The following SVEP1 variants were observed in gnomAD, a reference collection of about 807,000 sequenced individuals.
SVEP1 encodes the protein sushi, von Willebrand factor type A, EGF and pentraxin domain-containing protein 1.
Under a neutral mutation model 367.3 loss-of-function variants are expected in SVEP1, and 164 were observed. The ratio of observed to expected loss-of-function variants is 0.45; its 90% CI spans 0.39 to 0.51. SVEP1 has a LOEUF of 0.51. SVEP1 is among the 20% of genes least tolerant of loss of function. The probability of loss-of-function intolerance (pLI) is 0.00; values close to 1 mark genes in which losing one functional copy is unlikely to be tolerated. For missense variants in SVEP1, 4,117 were observed against 4,425.3 expected, an observed-to-expected ratio of 0.93 and a Z score of 1.98; for synonymous variants, 1,666 against 1,611.6, an observed-to-expected ratio of 1.03 and a Z score of -0.81.
In SVEP1 at chr9:110,466,041, G is replaced by T. The variant is rs1828932054; in HGVS notation, c.3161-15C>A. On this transcript the variant is annotated splice_polypyrimidine_tract_variant and intron_variant, in intron 17 of 47. Transcript: ENST00000374469. ...TTTACACTGAGCTGAAAAGAAAAAGGTAATATTACTATCAATAATGATATT... is the reference window on the plus strand; with the variant it reads ...TTTACACTGAGCTGAAAAGAAAAAGTTAATATTACTATCAATAATGATATT... 6.2e-7 allele frequency: 1 copy of T among 1,606,612 alleles called. No homozygotes were observed. Among genetic ancestry groups the T allele is most frequent in the Admixed American group, 1.7e-5 (1 of 59,572 alleles).
rs1021270658 is a variant in SVEP1, at chr9:110,365,817, G to A, written c.*722C>T. On this transcript the variant is annotated 3_prime_UTR_variant, in exon 48 of 48. Transcript: ENST00000374469. ...TTCTTGCATTTCTTATTCCAGCCAC[G>A]AGAAAGAAGGCTAGCACTTTCATTG... is the stretch of plus-strand genomic sequence containing the variant. 7 of 152,134 alleles carry A rather than the reference G, an allele frequency of 4.6e-5. No homozygotes were observed. Among genetic ancestry groups the A allele is most frequent in the African/African-American group, 9.7e-5 (4 of 41,392 alleles). 9.4% of individuals were successfully genotyped at this position (152,134 alleles called of 1,614,324 possible).
At position 110,459,091 on chromosome 9, in the gene SVEP1, G is replaced by T; in HGVS notation, c.3345C>A (p.Phe1115Leu). Residue 1115 changes from phenylalanine to leucine, a missense_variant, in exon 19 of 48, where the codon TTC (phenylalanine) becomes TTA (leucine). Physicochemically the swap from Phe to Leu is conservative, Grantham distance 22. Transcript: ENST00000374469. ...GACAGGGCATTAACCCAGAACGCGA[G>T]AATTTTCCTTCTGGACAAGGAACTG... is the stretch of plus-strand genomic sequence containing the variant. ...ACGVPCPEGK[F>L]SRSGLMPCHP... 3 of 1,613,602 alleles carry T rather than the reference G, an allele frequency of 1.9e-6. No individual in the cohort carries two copies. Among genetic ancestry groups the T allele is most frequent in the South Asian group, 1.1e-5 (1 of 91,050 alleles).
Position 110,369,908 on chromosome 9 carries a change from T to G in SVEP1, c.10694+15A>C, listed in dbSNP as rs189258208. Reference sequence around the variant, plus strand: ...CTTCATGTTATAGGCGAACATTAGTTTTTGGTTATCTTACCTGGAACAGTT... The same window carrying G: ...CTTCATGTTATAGGCGAACATTAGTGTTTGGTTATCTTACCTGGAACAGTT... On this transcript the variant is annotated intron_variant, in intron 47 of 47. Transcript: ENST00000374469. The G allele has an allele frequency of 1.1e-4, 171 of 1,607,302 alleles. No individual in the cohort carries two copies. In the East Asian group the frequency reaches 3.4e-3, roughly 32 times the overall value.
chr9:110,564,403 C>G (rs182286709), intron 1 of SVEP1, among the ~76,000 whole-genome samples: 2 of 152,284 alleles, frequency 1.3e-5, no homozygotes, highest in Admixed American at 1.3e-4. Context: ...CATGGAAAAT[C>G]TAACCATTAC....
intron 1 of SVEP1, among the ~76,000 whole-genome samples, chr9:110,556,304 T>C (rs1830357032): frequency 6.6e-6 from 1 of 151,882 alleles, no homozygotes. Flanking sequence ...TTTTGAAAAA[T>C]GGTCTTGAAA....
chr9:110,375,490 A>AAAAAAAAAT, intron 45 of SVEP1, 27 bp from the exon 46 acceptor site: 5 of 1,338,836 alleles, frequency 3.7e-6, no homozygotes, highest in South Asian at 1.3e-5. Context: ...AAAAAAAAAA[A>AAAAAAAAAT]GGAGGCAGGG....
chr9:110,433,427 T>C (rs1354173600), intron 30 of SVEP1, among the ~76,000 whole-genome samples: 1 of 137,936 alleles, frequency 7.2e-6, no homozygotes, highest in Non-Finnish European at 1.5e-5. Flanking sequence ...TTATCTAAAA[T>C]AGCAGTCTAG....
At chr9:110,546,334 G>T in intron 2 of SVEP1, 43 bp from the exon 3 acceptor site, 2 of 1,539,462 alleles carry the variant, frequency 1.3e-6, no homozygotes, top group African/African-American at 2.7e-5. Flanking sequence ...ATGAGTCACA[G>T]TTCAATGTTA....
intron 5 of SVEP1, among the ~76,000 whole-genome samples, chr9:110,512,087 A>G (rs1284628702): frequency 6.6e-6 from 1 of 152,190 alleles, no homozygotes; most frequent in Non-Finnish European, 1.5e-5. Context: ...GGACCCACAT[A>G]TACTAAAATA....
chr9:110,558,048 G>A (rs1830376325), intron 1 of SVEP1, among the ~76,000 whole-genome samples: 1 of 151,994 alleles, frequency 6.6e-6, no homozygotes, highest in Non-Finnish European at 1.5e-5. Context: ...GTGGCTAGTG[G>A]CTATAATATG....
intron 40 of SVEP1, among the ~76,000 whole-genome samples, chr9:110,400,466 A>G (rs1426679057): frequency 1.3e-5 from 2 of 151,884 alleles, no homozygotes; most frequent in Admixed American, 1.3e-4. Context: ...TCACGGGTTC[A>G]AGCGATTCTC....
At chr9:110,576,028 G>A (rs1412383157) in intron 1 of SVEP1, among the ~76,000 whole-genome samples, 2 of 152,124 alleles carry the variant, frequency 1.3e-5, no homozygotes, top group African/African-American at 2.4e-5. Context: ...TGACACTGGG[G>A]CTGCATGTGG....
intron 6 of SVEP1, among the ~76,000 whole-genome samples, chr9:110,502,103 ATTTTTTT>A (rs35353042): frequency 7.4e-6 from 1 of 135,818 alleles, no homozygotes; most frequent in Non-Finnish European, 1.6e-5. Flanking sequence ...AGTTCTTAGA[ATTTTTTT>A]TTTTTTTTTT....
At chr9:110,511,792 T>A (rs764510018) in intron 5 of SVEP1, among the ~76,000 whole-genome samples, 8 of 152,110 alleles carry the variant, frequency 5.3e-5, no homozygotes, top group Non-Finnish European at 1.2e-4. Flanking sequence ...TCACAAATGA[T>A]CTTGGAGTCA....
At chr9:110,566,693 G>T (rs566388109) in intron 1 of SVEP1, among the ~76,000 whole-genome samples, 3 of 152,274 alleles carry the variant, frequency 2.0e-5, no homozygotes, top group African/African-American at 7.2e-5. Flanking sequence ...TAATGCTTTT[G>T]GCAGAAGAGC....
intron 36 of SVEP1, among the ~76,000 whole-genome samples, chr9:110,412,407 AG>A (rs1275049450): frequency 6.6e-6 from 1 of 152,214 alleles, no homozygotes; most frequent in Non-Finnish European, 1.5e-5. Flanking sequence ...GATGGATTAA[AG>A]ACTTAAACGT....
chr9:110,509,807 T>C (rs919191012), intron 5 of SVEP1, among the ~76,000 whole-genome samples: 1 of 152,250 alleles, frequency 6.6e-6, no homozygotes, highest in African/African-American at 2.4e-5. Context: ...ACCAGAGATA[T>C]CATCAATGAT....
chr9:110,572,789 CAAAAAAAAAAAAAA>C (rs56077443), intron 1 of SVEP1, among the ~76,000 whole-genome samples: 3 of 76,526 alleles, frequency 3.9e-5, no homozygotes, highest in African/African-American at 1.6e-4. Context: ...CTCTCTCTCA[CAAAAAAAAAAAAAA>C]AAAAAAAAAA....
chr9:110,414,769 C>G (rs1828092868), intron 36 of SVEP1, among the ~76,000 whole-genome samples: 1 of 151,646 alleles, frequency 6.6e-6, no homozygotes, highest in Non-Finnish European at 1.5e-5. Context: ...GCAAAAAAGC[C>G]TTAAAAGAGC....
Sources: allele counts gnomAD v4.1 joint callset (sites outside exome capture counted in the v4.1 genomes callset), GRCh38; gene constraint gnomAD v4.1.1; transcripts MANE v1.5; gene names NCBI Gene and HGNC (gene_info 2026-07-23, HGNC 2026-07-21).